CCDC92B: variants seen among roughly 807,000 people sequenced by gnomAD.
The protein encoded by CCDC92B is coiled-coil domain containing 92B.
Under a neutral mutation model 5.6 loss-of-function variants are expected in CCDC92B, and 2 were observed. The observed-to-expected ratio is 0.36, with a 90% confidence interval of 0.15 to 1.12. CCDC92B has a LOEUF of 1.12. CCDC92B is among the 50% of genes most tolerant of loss of function. The pLI is 0.40. For missense variants in CCDC92B, 271 were observed against 262.2 expected (o/e 1.03, Z -0.23); for synonymous variants, 115 against 122.3 (o/e 0.94, Z 0.39).
chr17:2,731,416 A>G (rs1451100129), intron 2 of CCDC92B, among the ~76,000 whole-genome samples: 1 of 152,168 alleles, frequency 6.6e-6, no homozygotes, highest in Non-Finnish European at 1.5e-5. Context: ...GCTGCCTGTG[A>G]TGCAGACCGA....
intron 1 of CCDC92B, among the ~76,000 whole-genome samples, chr17:2,739,085 A>G (rs985252680): frequency 1.8e-4 from 27 of 150,790 alleles, no homozygotes; most frequent in African/African-American, 6.4e-4. Context: ...ATAAATAAAT[A>G]GGGCGGGCGC....
chr17:2,741,078 C>T (rs1406396015), intron 1 of CCDC92B, among the ~76,000 whole-genome samples: 1 of 150,664 alleles, frequency 6.6e-6, no homozygotes, highest in Non-Finnish European at 1.5e-5. Context: ...TGTTACACAG[C>T]GATAAAAAAC....
chr17:2,726,681 T>A (rs2070735299), intron 3 of CCDC92B, among the ~76,000 whole-genome samples: 2 of 150,876 alleles, frequency 1.3e-5, no homozygotes, highest in Non-Finnish European at 3.0e-5. Context: ...TGGCATGATC[T>A]CGGTTCACTG....
chr17:2,734,999 G>A lies in CCDC92B; in HGVS notation c.130+17C>T, dbSNP rs190266492. ...GTGACCTCTCCCCACCCGTCCAGCC[G>A]CCTCTCCTGGCCTCACCTGAGCAGC... On this transcript the variant is annotated intron_variant, in intron 2 of 3. Transcript: ENST00000614400. 1.5e-5 allele frequency: 15 copies of A among 985,488 alleles called. No individual in the cohort carries two copies. Among genetic ancestry groups the A allele is most frequent in the Admixed American group, 6.1e-5 (1 of 16,280 alleles). The allele number at this position is 985,488 out of a possible 1,614,324, so 61.0% of individuals were successfully genotyped here.
chr17:2,740,073 G>A (rs1284104111), intron 1 of CCDC92B, among the ~76,000 whole-genome samples: 2 of 152,090 alleles, frequency 1.3e-5, no homozygotes, highest in Non-Finnish European at 2.9e-5. Flanking sequence ...GAATAAAGAG[G>A]GGAACCTGCT....
chr17:2,747,477 A>G (rs538812149), intron 1 of CCDC92B, among the ~76,000 whole-genome samples: 1 of 152,308 alleles, frequency 6.6e-6, no homozygotes, highest in Non-Finnish European at 1.5e-5. Context: ...CTGTCATCCC[A>G]GCACTTTGGG....
chr17:2,730,523 G>T (rs928513227), intron 2 of CCDC92B, 30 bp from the exon 3 acceptor site: 23 of 163,140 alleles, frequency 1.4e-4, no homozygotes, highest in South Asian at 2.1e-4. Flanking sequence ...AAGGCAGTTT[G>T]TGTGTGTGTG....
intron 1 of CCDC92B, among the ~76,000 whole-genome samples, chr17:2,737,530 A>G (rs1485820681): frequency 8.0e-6 from 1 of 124,710 alleles, no homozygotes; most frequent in Non-Finnish European, 1.6e-5. Context: ...GCTGGAGTGC[A>G]GTGGCACGAT....
At chr17:2,733,706 G>A (rs1177117323) in intron 2 of CCDC92B, among the ~76,000 whole-genome samples, 1 of 143,676 alleles carries the variant, frequency 7.0e-6, no homozygotes, top group Non-Finnish European at 1.5e-5. Context: ...TGTCTGTGGA[G>A]CCTTAGGAAG....
At chr17:2,742,218 C>T (rs1465993555) in intron 1 of CCDC92B, among the ~76,000 whole-genome samples, 4 of 151,992 alleles carry the variant, frequency 2.6e-5, no homozygotes, top group Non-Finnish European at 4.4e-5. Flanking sequence ...ACCACAGGCT[C>T]GTGCCCCCGT....
chr17:2,728,268 A>T (rs1479939312), intron 3 of CCDC92B, among the ~76,000 whole-genome samples: 1 of 149,420 alleles, frequency 6.7e-6, no homozygotes, highest in Admixed American at 6.8e-5. Flanking sequence ...CAGTGAGCAG[A>T]GATGGTGCCA....
Position 2,730,279 on chromosome 17 carries a change from T to C in CCDC92B, c.178+167A>G, listed in dbSNP as rs548656860. Among the ~76,000 whole-genome samples the C allele has an allele frequency of 2.4e-3, 359 of 152,198 alleles. 1 individual carries two copies. The highest frequency in any genetic ancestry group is 8.1e-3 in the African/African-American group (337 of 41,526). Reference sequence around the variant, plus strand: ...CTGCACAAGGCATTTCACAATGTCGTCCACTGGGCAAGTGTGGCTGACATC... The same window carrying C: ...CTGCACAAGGCATTTCACAATGTCGCCCACTGGGCAAGTGTGGCTGACATC... On this transcript the variant is annotated intron_variant, in intron 3 of 3. Transcript: ENST00000614400.
In CCDC92B at chr17:2,722,549, C is replaced by A. The variant is rs1238185043; in HGVS notation, c.*1862G>T. 6 of 152,298 alleles carry A rather than the reference C, an allele frequency of 3.9e-5. No individual in the cohort carries two copies. The highest frequency in any genetic ancestry group is 8.8e-5 in the Non-Finnish European group (6 of 68,106). 9.4% of individuals were successfully genotyped at this position (152,298 alleles called of 1,614,324 possible). ...CATTGCTTGGCCCTGAGTGCGCTCG[C>A]TCACTGGTTTCTACTTCTTGCCAAT... On this transcript the variant is annotated 3_prime_UTR_variant, in exon 4 of 4. Coordinates refer to ENST00000614400, the MANE Select transcript of CCDC92B (RefSeq NM_001355573.2).
Position 2,726,554 on chromosome 17 carries a change from T to A in CCDC92B, c.179-1554A>T, listed in dbSNP as rs1330249328. Reference sequence around the variant, plus strand: ...ATGGTCTTGAACTCCTGACCTCAGGTCATCCTCCCGCCTCAGCCTCCCAAA... The same window carrying A: ...ATGGTCTTGAACTCCTGACCTCAGGACATCCTCCCGCCTCAGCCTCCCAAA... On this transcript the variant is annotated intron_variant, in intron 3 of 3. Transcript: ENST00000614400. Among the ~76,000 whole-genome samples the A allele has an allele frequency of 5.9e-5, 9 of 151,576 alleles. 1 individual carries two copies. In the South Asian group the frequency reaches 1.7e-3, roughly 28 times the overall value.
At chr17:2,725,676 T>C (rs2070720258) in intron 3 of CCDC92B, among the ~76,000 whole-genome samples, 1 of 151,962 alleles carries the variant, frequency 6.6e-6, no homozygotes, top group African/African-American at 2.4e-5. Flanking sequence ...GTGAAGCTTA[T>C]TGCATAGTGG....
intron 3 of CCDC92B, among the ~76,000 whole-genome samples, chr17:2,727,789 A>G (rs958521653): frequency 6.7e-6 from 1 of 149,304 alleles, no homozygotes; most frequent in African/African-American, 2.5e-5. Context: ...GCGCCACTGC[A>G]CTCCAGCCTG....
intron 3 of CCDC92B, among the ~76,000 whole-genome samples, chr17:2,727,459 G>C (rs2070742070): frequency 6.6e-6 from 1 of 152,216 alleles, no homozygotes. Context: ...CTTGGCACAG[G>C]TGAGTGTAGG....
rs2070938325 is a variant in CCDC92B, at chr17:2,742,748, G to C, written c.-24+6663C>G. ...ACTGATGACCTAACACCTCCATTTG[G>C]ATATTCAGTGAGGATATCCCTCAAA... On this transcript the variant is annotated intron_variant, in intron 1 of 3. Transcript: ENST00000614400. Among the ~76,000 whole-genome samples the C allele has an allele frequency of 2.6e-5, 4 of 152,038 alleles. 1 individual carries two copies. Among genetic ancestry groups the C allele is most frequent in the Admixed American group, 2.6e-4 (4 of 15,244 alleles).
rs1567608002 is a variant in CCDC92B at position 2,721,638 on chromosome 17, A to G, written c.*2773T>C. ...GCAGGCGGGTGGAGGGGTTTCCATT[A>G]TTTCCAGGAGGGCGAGGAGGGGAAT... On this transcript the variant is annotated 3_prime_UTR_variant, in exon 4 of 4. Transcript: ENST00000614400. The G allele has an allele frequency of 6.6e-6, 1 of 152,122 alleles. No individual in the cohort carries two copies. The highest frequency in any genetic ancestry group is 1.5e-5 in the Non-Finnish European group (1 of 68,046). The allele number at this position is 152,122 out of a possible 1,614,324, so 9.4% of individuals were successfully genotyped here.
Sources: allele counts gnomAD v4.1 joint callset (sites outside exome capture counted in the v4.1 genomes callset), GRCh38; gene constraint gnomAD v4.1.1; transcripts MANE v1.5; gene names NCBI Gene and HGNC (gene_info 2026-07-23, HGNC 2026-07-21).